CHODL: variants seen among roughly 807,000 people sequenced by gnomAD.
CHODL encodes the protein transmembrane protein MT75.
Under a neutral mutation model 34.5 loss-of-function variants are expected in CHODL, and 29 were observed. The observed-to-expected ratio is 0.84, with a 90% confidence interval of 0.63 to 1.15. The LOEUF is 1.15. CHODL is among the 50% of genes most tolerant of loss of function. The pLI is 0.00. For synonymous variants in CHODL, 125 were observed against 116.1 expected (o/e 1.08, Z -0.49); for missense variants, 332 against 332.5 (o/e 1.00, Z 0.01).
chr21:18,241,249 T>TAAAAAA (rs34330433), upstream of CHODL, among the ~76,000 whole-genome samples: 2 of 145,124 alleles, frequency 1.4e-5, no homozygotes. Context: ...ATTACTCAGA[T>TAAAAAA]AAAAAAAAAA....
intron 2 of CHODL, among the ~76,000 whole-genome samples, chr21:18,139,042 CA>C (rs2072770637): frequency 6.6e-6 from 1 of 151,884 alleles, no homozygotes; most frequent in Non-Finnish European, 1.5e-5. Flanking sequence ...GATAATGCTG[CA>C]ATCAGGTTGG....
intron 2 of CHODL, among the ~76,000 whole-genome samples, chr21:18,032,897 T>C (rs554706904): frequency 6.6e-6 from 1 of 152,002 alleles, no homozygotes; most frequent in Non-Finnish European, 1.5e-5. Context: ...AAAATAGCTA[T>C]TGAGTGCTTA....
At chr21:18,060,029 C>A (rs916873495) in intron 2 of CHODL, among the ~76,000 whole-genome samples, 2 of 152,106 alleles carry the variant, frequency 1.3e-5, no homozygotes, top group African/African-American at 4.8e-5. Flanking sequence ...CACATTTCTC[C>A]TTCCCCATTT....
chr21:18,200,822 G>T (rs1229069017), intron 2 of CHODL, among the ~76,000 whole-genome samples: 1 of 152,158 alleles, frequency 6.6e-6, no homozygotes, highest in East Asian at 1.9e-4. Flanking sequence ...AGGAGGACAG[G>T]ACAATCAAAA....
At chr21:18,118,282 A>C (rs773632567) in intron 2 of CHODL, among the ~76,000 whole-genome samples, 10 of 152,180 alleles carry the variant, frequency 6.6e-5, no homozygotes, top group Admixed American at 5.2e-4. Flanking sequence ...AAAATGAGAC[A>C]AGAATCTCAT....
chr21:17,998,326 C>A (rs1600874113), intron 1 of CHODL, among the ~76,000 whole-genome samples: 2 of 152,202 alleles, frequency 1.3e-5, no homozygotes, highest in Admixed American at 6.5e-5. Context: ...TCTCTCCTGG[C>A]TGCTTTCATG....
chr21:18,262,373 A>G (rs9979144), intron 4 of CHODL, among the ~76,000 whole-genome samples: 30,812 of 152,122 alleles, frequency 0.2, 4,336 homozygotes, highest in African/African-American at 0.41. Context: ...CTTACTACAC[A>G]TCTAGGCTGT....
chr21:17,973,335 A>G (rs1018289404), intron 1 of CHODL, among the ~76,000 whole-genome samples: 1 of 152,040 alleles, frequency 6.6e-6, no homozygotes, highest in Non-Finnish European at 1.5e-5. Context: ...AAAAGAAACT[A>G]TCATCAGAGT....
In CHODL at chr21:18,266,508, A is replaced by G. The variant is rs116326407; in HGVS notation, c.*470A>G. The G allele has an allele frequency of 8.1e-3, 1,335 of 165,636 alleles. 22 individuals carry two copies. Among genetic ancestry groups the G allele is most frequent in the African/African-American group, 0.03 (1,242 of 41,238 alleles). The allele number at this position is 165,636 out of a possible 1,614,324, so 10.3% of individuals were successfully genotyped here. A position where few individuals can be genotyped will look rare whatever the true frequency, so the allele number is the denominator to read the frequency against. On this transcript the variant is annotated 3_prime_UTR_variant, in exon 6 of 6. Transcript: ENST00000299295. ...TATTTTTATGGCATCTCATTTTTCA[A>G]TACATGCTCTTTTGATTAAAGAAAC...
chr21:18,046,323 AAGTC>A (rs1568859621), intron 2 of CHODL, among the ~76,000 whole-genome samples: 1 of 151,924 alleles, frequency 6.6e-6, no homozygotes. Context: ...GGCTGTCAGA[AAGTC>A]AGAGTGCAGC....
intron 2 of CHODL, among the ~76,000 whole-genome samples, chr21:18,087,564 G>A (rs1000519315): frequency 6.6e-6 from 1 of 152,104 alleles, no homozygotes; most frequent in African/African-American, 2.4e-5. Context: ...GGAGAGCTGG[G>A]CCCCCTGTCC....
chr21:17,928,805 T>A (rs1411155889), intron 1 of CHODL, among the ~76,000 whole-genome samples: 1 of 152,246 alleles, frequency 6.6e-6, no homozygotes, highest in Non-Finnish European at 1.5e-5. Context: ...ACTTCTTAAC[T>A]GTGAATACTG....
Position 18,265,237 on chromosome 21 carries a change from ATATATATATGTG to A in CHODL, c.738-695_738-684del, listed in dbSNP as rs1283318248. On this transcript the variant is annotated intron_variant, in intron 5 of 5. Transcript: ENST00000299295. ...TGTATGTGTATATATATATGTGTGT[ATATATATATGTG>A]TATATATATGTGTATATATATATGT... Among the ~76,000 whole-genome samples, 232 of 144,650 alleles carry A rather than the reference ATATATATATGTG, an allele frequency of 1.6e-3. 1 individual carries two copies. Among genetic ancestry groups the A allele is most frequent in the Non-Finnish European group, 2.4e-3 (160 of 66,556 alleles). 94.9% of individuals were successfully genotyped at this position (144,650 alleles called of 152,430 possible). A position where few individuals can be genotyped will look rare whatever the true frequency, so the allele number is the denominator to read the frequency against.
chr21:17,957,580 A>G (rs968987812), intron 1 of CHODL, among the ~76,000 whole-genome samples: 3 of 152,134 alleles, frequency 2.0e-5, no homozygotes, highest in South Asian at 2.1e-4. Context: ...CCTTTTTTAT[A>G]TAAGCCTTTT....
chr21:18,050,052 A>T (rs955016182), intron 2 of CHODL, among the ~76,000 whole-genome samples: 1 of 151,932 alleles, frequency 6.6e-6, no homozygotes, highest in Admixed American at 6.6e-5. Context: ...AAAATGAGGT[A>T]ATTGCAGATG....
At chr21:18,252,123 T>G (rs1357432842) in intron 1 of CHODL, among the ~76,000 whole-genome samples, 1 of 152,132 alleles carries the variant, frequency 6.6e-6, no homozygotes. Flanking sequence ...GGCAGATCTT[T>G]TCTCTCTCTT....
At chr21:18,009,801 T>C (rs1486472539) in intron 1 of CHODL, among the ~76,000 whole-genome samples, 1 of 145,810 alleles carries the variant, frequency 6.9e-6, no homozygotes. Context: ...GACAGGAGAA[T>C]GGCGTGAACC....
chr21:18,083,693 GC>G (rs2064969489), intron 2 of CHODL, among the ~76,000 whole-genome samples: 1 of 152,348 alleles, frequency 6.6e-6, no homozygotes, highest in East Asian at 1.9e-4. Context: ...TTTAATGACT[GC>G]CCTGCTGGGC....
At chr21:18,127,529 G>A (rs1391460568) in intron 2 of CHODL, among the ~76,000 whole-genome samples, 1 of 152,054 alleles carries the variant, frequency 6.6e-6, no homozygotes, top group African/African-American at 2.4e-5. Context: ...CAAAGATGGG[G>A]CAACTTACAC....
Sources: allele counts gnomAD v4.1 joint callset (sites outside exome capture counted in the v4.1 genomes callset), GRCh38; gene constraint gnomAD v4.1.1; transcripts MANE v1.5; gene names NCBI Gene and HGNC (gene_info 2026-07-23, HGNC 2026-07-21).